CYFIP2: variants seen among roughly 807,000 people sequenced by gnomAD.
CYFIP2 encodes the protein cytoplasmic FMR1 interacting protein 2.
In CYFIP2, 29 loss-of-function variants were observed where a neutral mutation model predicts 158.7. That is an observed-to-expected ratio of 0.18 (90% confidence interval 0.14 to 0.25). The LOEUF is 0.25. CYFIP2 is among the 10% of genes least tolerant of loss of function. CYFIP2 has a pLI of 1.00. For synonymous variants in CYFIP2, 585 were observed against 617.6 expected, an observed-to-expected ratio of 0.95 and a Z score of 0.78; for missense variants, 852 against 1,639.5, an observed-to-expected ratio of 0.52 and a Z score of 8.29.
At chr5:157,332,253 C>T (rs976905286) in intron 20 of CYFIP2, among the ~76,000 whole-genome samples, 5 of 152,168 alleles carry the variant, frequency 3.3e-5, no homozygotes, top group Non-Finnish European at 7.3e-5. Context: ...AAGAATAATA[C>T]GATAAACACT....
chr5:157,383,575 T>C (rs1359459436), intron 28 of CYFIP2: 3 of 473,112 alleles, frequency 6.3e-6, no homozygotes, highest in Non-Finnish European at 1.1e-5. Context: ...GCCTGTATCA[T>C]GTATCCTGCC....
At chr5:157,368,385 C>A (rs1561772906) in intron 26 of CYFIP2, among the ~76,000 whole-genome samples, 1 of 152,298 alleles carries the variant, frequency 6.6e-6, no homozygotes, top group African/African-American at 2.4e-5. Flanking sequence ...GACCGTCACT[C>A]CATACACCCA....
At chr5:157,383,145 C>T (rs1262894200) in intron 27 of CYFIP2, 120 bp from the exon 28 acceptor site, 1 of 820,014 alleles carries the variant, frequency 1.2e-6, no homozygotes, top group African/African-American at 1.7e-5. Flanking sequence ...AGAGCAGTTC[C>T]ACACACTCCA....
intron 1 of CYFIP2, among the ~76,000 whole-genome samples, chr5:157,279,911 T>C (rs1214953840): frequency 6.6e-6 from 1 of 152,196 alleles, no homozygotes; most frequent in Non-Finnish European, 1.5e-5. Context: ...TTCCAGAATA[T>C]TTTTCCTTTC....
intron 11 of CYFIP2, among the ~76,000 whole-genome samples, chr5:157,312,448 G>A (rs762675615): frequency 6.6e-5 from 10 of 151,652 alleles, no homozygotes; most frequent in Non-Finnish European, 1.3e-4. Flanking sequence ...ACTGGTATTT[G>A]GATATATATA....
chr5:157,277,398 T>G (rs1407932668), intron 1 of CYFIP2, among the ~76,000 whole-genome samples: 6 of 152,122 alleles, frequency 3.9e-5, no homozygotes, highest in Non-Finnish European at 7.4e-5. Context: ...TCTGTGTTAT[T>G]AATAGTGAAG....
At chr5:157,384,755 C>T (rs1766491840) in intron 28 of CYFIP2, 2 of 314,768 alleles carry the variant, frequency 6.4e-6, no homozygotes, top group Non-Finnish European at 1.3e-5. Context: ...GCCTGGCCAA[C>T]ATGGTGAAAC....
intron 23 of CYFIP2, 131 bp from the exon 24 acceptor site, chr5:157,358,874 T>C (rs1459608422): frequency 8.4e-6 from 10 of 1,197,068 alleles, no homozygotes; most frequent in Admixed American, 1.9e-5. Context: ...TGCAAACATA[T>C]TCATGGGGCT....
intron 1 of CYFIP2, among the ~76,000 whole-genome samples, chr5:157,275,237 A>G (rs1318736087): frequency 6.6e-6 from 1 of 152,128 alleles, no homozygotes; most frequent in Non-Finnish European, 1.5e-5. Flanking sequence ...TGTTGTTATT[A>G]CATAATTCAA....
At chr5:157,339,029 A>G (rs3734027) in intron 21 of CYFIP2, 28 bp from the exon 22 acceptor site, 620,404 of 1,589,640 alleles carry the variant, frequency 0.39, 126,975 homozygotes, top group African/African-American at 0.72. Flanking sequence ...GCAAGTCCTC[A>G]GCAGTTGTGG....
At position 157,353,879 on chromosome 5, in the gene CYFIP2, C is replaced by G. The variant is rs1449197702; in HGVS notation, c.2674-5126C>G. Among the ~76,000 whole-genome samples, 41 of 152,188 alleles carry G rather than the reference C, an allele frequency of 2.7e-4. 1 individual carries two copies. The highest frequency in any genetic ancestry group is 2.7e-3 in the Admixed American group (41 of 15,280). Reference sequence around the variant, plus strand: ...CAGAGATGCAAATTGCTTACAAATTCAGTTTACCAAGTAAATAGGCCTTAC... The same window carrying G: ...CAGAGATGCAAATTGCTTACAAATTGAGTTTACCAAGTAAATAGGCCTTAC... On this transcript the variant is annotated intron_variant, in intron 23 of 30. Transcript: ENST00000620254.
At chr5:157,338,953 T>C in intron 21 of CYFIP2, 104 bp from the exon 22 acceptor site, 1 of 1,186,374 alleles carries the variant, frequency 8.4e-7, no homozygotes, top group Non-Finnish European at 1.2e-6. Context: ...CAGGAGGTTG[T>C]CTGAGCAGCT....
chr5:157,326,043 CG>C, intron 17 of CYFIP2, 127 bp from the exon 18 acceptor site: 1 of 739,320 alleles, frequency 1.4e-6, no homozygotes, highest in Non-Finnish European at 2.3e-6. Context: ...GCTCAAGGAA[CG>C]TAAGAGAGGG....
intron 3 of CYFIP2, 64 bp from the exon 4 acceptor site, chr5:157,294,719 G>A (rs1758109553): frequency 3.5e-5 from 49 of 1,391,142 alleles, no homozygotes; most frequent in Non-Finnish European, 5.0e-5. Flanking sequence ...GAGGATCTGG[G>A]GGCTTTTGCA....
intron 1 of CYFIP2, among the ~76,000 whole-genome samples, chr5:157,273,666 G>T (rs888167447): frequency 1.4e-4 from 22 of 151,882 alleles, no homozygotes; most frequent in Non-Finnish European, 2.8e-4. Flanking sequence ...GCTTGTAGGG[G>T]CATCATTTAC....
chr5:157,282,584 A>G (rs1211339888), intron 1 of CYFIP2, among the ~76,000 whole-genome samples: 2 of 152,178 alleles, frequency 1.3e-5, no homozygotes, highest in Non-Finnish European at 2.9e-5. Context: ...ATCTTTGTGT[A>G]TTTTTGTCAA....
chr5:157,335,191 A>G lies in CYFIP2; in HGVS notation c.2385+1745A>G, dbSNP rs180836195. On this transcript the variant is annotated intron_variant, in intron 21 of 30. Transcript: ENST00000620254. ...CTTCTCCAAGCCTGTTTCCTTATCT[A>G]TAGAAATGGAGGGAATATCAGAATC... is the stretch of plus-strand genomic sequence containing the variant. 5.9e-5 allele frequency among the ~76,000 whole-genome samples: 9 copies of G among 152,300 alleles called. No homozygotes were observed. The East Asian group carries it at 9.6e-4, about 16-fold the overall frequency.
At chr5:157,373,392 C>G (rs1169092732) in intron 26 of CYFIP2, among the ~76,000 whole-genome samples, 1 of 152,144 alleles carries the variant, frequency 6.6e-6, no homozygotes, top group African/African-American at 2.4e-5. Context: ...TTCAGCCCCC[C>G]AGAAAGAGCA....
At chr5:157,294,704 C>T (rs1159151897) in intron 3 of CYFIP2, 79 bp from the exon 4 acceptor site, 1 of 1,170,018 alleles carries the variant, frequency 8.5e-7, no homozygotes, top group East Asian at 2.4e-5. Context: ...CATACCATAA[C>T]TAGTGAGGAT....
Sources: gnomAD v4.1 joint callset for allele counts (sites outside exome capture counted in the v4.1 genomes callset) on GRCh38, gnomAD v4.1.1 for gene constraint, MANE v1.5 for transcripts, NCBI Gene and HGNC (gene_info 2026-07-23, HGNC 2026-07-21) for gene names.